The following RBBP8 variants were observed in gnomAD, a reference collection of about 807,000 sequenced individuals.
RBBP8 encodes the protein DNA endonuclease RBBP8.
RBBP8 carries 88 observed loss-of-function variants against 108.3 expected under a neutral mutation model. The ratio of observed to expected loss-of-function variants is 0.81; its 90% CI spans 0.68 to 0.97. The LOEUF (loss-of-function observed/expected upper bound fraction) is 0.97, where lower values mean the gene tolerates loss of function less well. Among genes scored for constraint, RBBP8 ranks in the 50% least tolerant of loss-of-function variants. The pLI is 0.00. For missense variants in RBBP8, 1,023 were observed against 1,049.0 expected (o/e 0.98, Z 0.34); for synonymous variants, 332 against 348.2 (o/e 0.95, Z 0.52).
chr18:22,992,884 C>G lies in RBBP8; in HGVS notation c.1057C>G (p.Pro353Ala), dbSNP rs1915794167. The G allele has an allele frequency of 6.2e-7, 1 of 1,613,520 alleles. No individual in the cohort carries two copies. The highest frequency in any genetic ancestry group is 1.1e-5 in the South Asian group (1 of 91,042). Reference protein sequence around the residue: ...NTSLSPSLLQPGKKKHLKTLP... With the variant: ...NTSLSPSLLQAGKKKHLKTLP... ...AAGTTTGTCCCCTTCTCTTTTACAG[C>G]CTGGGAAAAAAAAACATCTGAAAAC... Residue 353 changes from proline to alanine, a missense_variant, in exon 11 of 19, where the codon CCT (proline) becomes GCT (alanine). By Grantham distance (27) the Pro-to-Ala change is conservative. Transcript: ENST00000327155.
At chr18:23,016,405 G>C (rs978883652) in intron 16 of RBBP8, among the ~76,000 whole-genome samples, 3 of 152,004 alleles carry the variant, frequency 2.0e-5, no homozygotes, top group African/African-American at 7.2e-5. Context: ...TTAGCCAGGC[G>C]TGGTGGTACA....
chr18:23,007,540 TA>T (rs2046075636), intron 16 of RBBP8, among the ~76,000 whole-genome samples: 1 of 150,914 alleles, frequency 6.6e-6, no homozygotes, highest in African/African-American at 2.4e-5. Flanking sequence ...CCGTCTCTAC[TA>T]AAAATACAAA....
chr18:23,024,040 A>ATTTTTTTTT (rs35157427), intron 18 of RBBP8, among the ~76,000 whole-genome samples: 1 of 102,930 alleles, frequency 9.7e-6, no homozygotes, highest in Non-Finnish European at 1.9e-5. Flanking sequence ...TACCCAGCCT[A>ATTTTTTTTT]TTTTTTTTTT....
intron 4 of RBBP8, among the ~76,000 whole-genome samples, chr18:22,960,635 A>T (rs1336839819): frequency 6.6e-6 from 1 of 152,152 alleles, no homozygotes; most frequent in Non-Finnish European, 1.5e-5. Context: ...TCGTTCAGTC[A>T]TCCAAGCTGG....
At chr18:22,937,500 A>AT (rs1910680133) in intron 2 of RBBP8, among the ~76,000 whole-genome samples, 2 of 111,142 alleles carry the variant, frequency 1.8e-5, no homozygotes, top group Non-Finnish European at 2.0e-5. Context: ...TTTTTTTTTT[A>AT]TTTTTTTTGA....
At chr18:22,928,959 C>A (rs1008819029), upstream of RBBP8, among the ~76,000 whole-genome samples, 2 of 152,074 alleles carry the variant, frequency 1.3e-5, no homozygotes, top group African/African-American at 4.8e-5. Context: ...CGTAAGCTAC[C>A]GCACCAGTCT....
At position 22,961,420 on chromosome 18, in the gene RBBP8, C is replaced by A. The variant is rs187382653; in HGVS notation, c.249-7386C>A. 4.6e-5 allele frequency among the ~76,000 whole-genome samples: 7 copies of A among 152,272 alleles called. No individual in the cohort carries two copies. In the East Asian group the frequency reaches 9.6e-4, roughly 21 times the overall value. On this transcript the variant is annotated intron_variant, in intron 4 of 18. Coordinates refer to ENST00000327155, the MANE Select transcript of RBBP8 (RefSeq NM_002894.3). ...CAAGGCATACCATACTTCTTACACC[C>A]CAGAGTGAGTGGTAGGGCAAGTGTG...
At chr18:22,982,639 CTT>C (rs1915017091) in intron 7 of RBBP8, among the ~76,000 whole-genome samples, 1 of 151,950 alleles carries the variant, frequency 6.6e-6, no homozygotes. Flanking sequence ...TAAATAGTTT[CTT>C]TTTTCTTTTT....
chr18:22,992,645 G>T (rs1175732228), intron 10 of RBBP8, 103 bp from the exon 11 acceptor site: 2 of 941,338 alleles, frequency 2.1e-6, no homozygotes, highest in Non-Finnish European at 3.2e-6. Context: ...GAAGCCAAAA[G>T]CTGTACCTTG....
chr18:22,948,849 T>A (rs1250014608), intron 3 of RBBP8, among the ~76,000 whole-genome samples: 1 of 152,166 alleles, frequency 6.6e-6, no homozygotes, highest in African/African-American at 2.4e-5. Flanking sequence ...AATTAAAATA[T>A]GTGAATACTT....
At chr18:22,984,452 G>A (rs1915177044) in intron 7 of RBBP8, among the ~76,000 whole-genome samples, 1 of 152,132 alleles carries the variant, frequency 6.6e-6, no homozygotes, top group African/African-American at 2.4e-5. Flanking sequence ...GGTGTGATCT[G>A]TAGCTTACTA....
chr18:22,979,939 G>A (rs1209474110), intron 6 of RBBP8, among the ~76,000 whole-genome samples: 1 of 152,112 alleles, frequency 6.6e-6, no homozygotes. Flanking sequence ...TAACAGGTGA[G>A]CAATAGATAC....
chr18:22,948,839 A>G (rs1911785753), intron 3 of RBBP8, among the ~76,000 whole-genome samples: 1 of 152,190 alleles, frequency 6.6e-6, no homozygotes, highest in Admixed American at 6.5e-5. Flanking sequence ...GTTTTCTTAG[A>G]ATTAAAATAT....
chr18:22,982,796 C>T (rs2144658178), intron 7 of RBBP8, among the ~76,000 whole-genome samples: 1 of 152,286 alleles, frequency 6.6e-6, no homozygotes. Context: ...ATTCTCGTAA[C>T]AGGCTTGTGA....
chr18:22,976,268 A>C (rs1010549845), intron 6 of RBBP8, among the ~76,000 whole-genome samples: 1 of 152,116 alleles, frequency 6.6e-6, no homozygotes, highest in Non-Finnish European at 1.5e-5. Flanking sequence ...TTTTGAGGAG[A>C]AATAATAGTC....
At chr18:22,946,037 A>C (rs1230097449) in intron 2 of RBBP8, among the ~76,000 whole-genome samples, 1 of 152,190 alleles carries the variant, frequency 6.6e-6, no homozygotes, top group South Asian at 2.1e-4. Flanking sequence ...ACTTTTCCAT[A>C]AGGAATTTTG....
intron 15 of RBBP8, among the ~76,000 whole-genome samples, chr18:23,003,645 T>C (rs938976822): frequency 6.6e-6 from 1 of 152,340 alleles, no homozygotes; most frequent in Admixed American, 6.5e-5. Context: ...TCCCAAGTTC[T>C]GAGCTCTAGG....
At chr18:22,971,947 A>G (rs765940353) in intron 5 of RBBP8, among the ~76,000 whole-genome samples, 5 of 151,070 alleles carry the variant, frequency 3.3e-5, no homozygotes, top group Non-Finnish European at 7.4e-5. Flanking sequence ...GCCTGGCCCC[A>G]GTGTTTAATT....
chr18:22,918,637 A>G (rs1226737773), intron 3 of RBBP8, among the ~76,000 whole-genome samples: 1 of 151,974 alleles, frequency 6.6e-6, no homozygotes, highest in East Asian at 1.9e-4. Flanking sequence ...TTTTTTGTCT[A>G]TTATCTAACA....
Sources: gnomAD v4.1 joint callset for allele counts (sites outside exome capture counted in the v4.1 genomes callset) on GRCh38, gnomAD v4.1.1 for gene constraint, MANE v1.5 for transcripts, NCBI Gene and HGNC (gene_info 2026-07-23, HGNC 2026-07-21) for gene names.